Variants in KCNMB4 observed in about 807,000 individuals in gnomAD.
The protein encoded by KCNMB4 is calcium-activated potassium channel subunit beta-4.
A neutral mutation model predicts 20.7 loss-of-function variants in KCNMB4; 3 were observed. That is an observed-to-expected ratio of 0.14 (90% confidence interval 0.07 to 0.37). The LOEUF (loss-of-function observed/expected upper bound fraction) is 0.37. KCNMB4 is among the 10% of genes least tolerant of loss of function. KCNMB4 has a pLI of 1.00. For missense variants in KCNMB4, 168 were observed against 265.9 expected (o/e 0.63, Z 2.56); for synonymous variants, 110 against 113.4 (o/e 0.97, Z 0.19).
At chr12:70,367,272 G>A (rs1246139520) in intron 1 of KCNMB4, among the ~76,000 whole-genome samples, 1 of 152,130 alleles carries the variant, frequency 6.6e-6, no homozygotes, top group Non-Finnish European at 1.5e-5. Context: ...TACGCGCGGC[G>A]ACCAGTGGTG....
At chr12:70,386,679 T>G (rs891372668) in intron 1 of KCNMB4, among the ~76,000 whole-genome samples, 4 of 152,064 alleles carry the variant, frequency 2.6e-5, no homozygotes, top group African/African-American at 9.7e-5. Context: ...AATTACAGTT[T>G]TTGAAAATAC....
chr12:70,384,873 CAAAAAA>C (rs57306622), intron 1 of KCNMB4, among the ~76,000 whole-genome samples: 9 of 74,324 alleles, frequency 1.2e-4, no homozygotes, highest in African/African-American at 2.1e-4. Context: ...GACCCTGTCT[CAAAAAA>C]AAAAAAAAAA....
At chr12:70,400,421 T>C in intron 2 of KCNMB4, 85 bp downstream of exon 2, 1 of 1,355,732 alleles carries the variant, frequency 7.4e-7, no homozygotes, top group Non-Finnish European at 1.0e-6. Flanking sequence ...TTATGCCCAC[T>C]TGACAGCATG....
chr12:70,379,397 A>G (rs77486810), intron 1 of KCNMB4, among the ~76,000 whole-genome samples: 17,562 of 152,138 alleles, frequency 0.12, 1,277 homozygotes, highest in Middle Eastern at 0.22. Context: ...CAGCTTCTAC[A>G]TGAGCACTTG....
At chr12:70,373,999 A>G (rs1049923024) in intron 1 of KCNMB4, among the ~76,000 whole-genome samples, 1 of 152,180 alleles carries the variant, frequency 6.6e-6, no homozygotes, top group Non-Finnish European at 1.5e-5. Flanking sequence ...TTCTAAAACA[A>G]AAGCAATCTA....
chr12:70,392,236 C>T (rs554449644), intron 1 of KCNMB4, among the ~76,000 whole-genome samples: 2 of 152,170 alleles, frequency 1.3e-5, no homozygotes, highest in South Asian at 4.2e-4. Context: ...GAGTATTGAC[C>T]ATCTCCATTA....
intron 1 of KCNMB4, among the ~76,000 whole-genome samples, chr12:70,376,054 C>T: frequency 6.7e-6 from 1 of 149,894 alleles, no homozygotes; most frequent in East Asian, 2.0e-4. Context: ...TAAAACCAAT[C>T]AATGTAATAG....
chr12:70,406,813 A>G (rs190841621), intron 2 of KCNMB4, among the ~76,000 whole-genome samples: 1 of 152,192 alleles, frequency 6.6e-6, no homozygotes, highest in Non-Finnish European at 1.5e-5. Context: ...GAATATTCTC[A>G]ATACCCAGTC....
At chr12:70,384,084 C>T (rs1883843921) in intron 1 of KCNMB4, among the ~76,000 whole-genome samples, 2 of 152,118 alleles carry the variant, frequency 1.3e-5, no homozygotes, top group South Asian at 4.1e-4. Flanking sequence ...AAACAAAAAA[C>T]ACCAGTCATT....
chr12:70,391,103 A>G (rs577019441), intron 1 of KCNMB4, among the ~76,000 whole-genome samples: 3 of 151,958 alleles, frequency 2.0e-5, no homozygotes, highest in Non-Finnish European at 4.4e-5. Context: ...GAGGAGTCCT[A>G]CCTTACATCA....
chr12:70,372,357 G>A (rs1883611241), intron 1 of KCNMB4, among the ~76,000 whole-genome samples: 1 of 152,206 alleles, frequency 6.6e-6, no homozygotes, highest in Non-Finnish European at 1.5e-5. Flanking sequence ...TCGCTGCTGA[G>A]TTGAAAACAG....
Position 70,421,828 on chromosome 12 carries a change from G to A in KCNMB4, c.465-8657G>A, listed in dbSNP as rs189827229. ...GACCCCCTGACCTCTTGATCCGCCC[G>A]CCTTGGCCTCCCAAAGTGCTGGGAT... On this transcript the variant is annotated intron_variant, in intron 2 of 2. Transcript: ENST00000258111. 4.2e-3 allele frequency among the ~76,000 whole-genome samples: 633 copies of A among 150,540 alleles called. 4 individuals are homozygous for A. Among genetic ancestry groups the A allele is most frequent in the African/African-American group, 0.012 (494 of 41,096 alleles).
intron 1 of KCNMB4, among the ~76,000 whole-genome samples, chr12:70,387,747 A>G (rs1041178370): frequency 9.2e-5 from 14 of 152,080 alleles, no homozygotes; most frequent in Admixed American, 2.6e-4. Context: ...TGATGCAGGC[A>G]TGCAAAGTGA....
At position 70,366,597 on chromosome 12, in the gene KCNMB4, C is replaced by T; in HGVS notation, c.-138C>T. 1 of 463,904 alleles carries T rather than the reference C, an allele frequency of 2.2e-6. No homozygotes were observed. The highest frequency in any genetic ancestry group is 3.1e-6 in the Non-Finnish European group (1 of 318,508). The allele number at this position is 463,904 out of a possible 1,614,324, so 28.7% of individuals were successfully genotyped here. Reference sequence around the variant, plus strand: ...TCGGCCCCTTTGTTCTCGCGCGCTCCCCCTCGCCGCCCACTCCCCTGCTGT... The same window carrying T: ...TCGGCCCCTTTGTTCTCGCGCGCTCTCCCTCGCCGCCCACTCCCCTGCTGT... On this transcript the variant is annotated 5_prime_UTR_variant, in exon 1 of 3. Transcript: ENST00000258111.
chr12:70,430,122 C>T (rs138677919), intron 2 of KCNMB4, among the ~76,000 whole-genome samples: 142 of 151,940 alleles, frequency 9.3e-4, no homozygotes, highest in African/African-American at 3.2e-3. Context: ...AGAATGCTCA[C>T]CCATCAGTAA....
At chr12:70,406,138 C>T (rs943449258) in intron 2 of KCNMB4, among the ~76,000 whole-genome samples, 10 of 148,402 alleles carry the variant, frequency 6.7e-5, no homozygotes, top group South Asian at 2.1e-4. Flanking sequence ...GAGGGGGTAA[C>T]GGAAGTTACT....
chr12:70,426,012 A>G (rs11830423), intron 2 of KCNMB4, among the ~76,000 whole-genome samples: 2,744 of 152,150 alleles, frequency 0.018, 77 homozygotes, highest in African/African-American at 0.063. Context: ...TGACCTGAAC[A>G]GGCCAGGCGG....
chr12:70,412,599 T>C (rs1868810003), intron 2 of KCNMB4, among the ~76,000 whole-genome samples: 1 of 152,226 alleles, frequency 6.6e-6, no homozygotes, highest in Admixed American at 6.5e-5. Flanking sequence ...TTTAATATAT[T>C]TATATGTTGA....
At chr12:70,406,743 G>A (rs1206234917) in intron 2 of KCNMB4, among the ~76,000 whole-genome samples, 2 of 152,142 alleles carry the variant, frequency 1.3e-5, no homozygotes, top group Non-Finnish European at 2.9e-5. Context: ...TGGGAACTGC[G>A]TGTTGTAAGG....
Sources: gnomAD v4.1 joint callset for allele counts (sites outside exome capture counted in the v4.1 genomes callset) on GRCh38, gnomAD v4.1.1 for gene constraint, MANE v1.5 for transcripts, NCBI Gene and HGNC (gene_info 2026-07-23, HGNC 2026-07-21) for gene names.